The following COX7B2 variants were observed in gnomAD, a reference collection of about 807,000 sequenced individuals.
The protein encoded by COX7B2 is cytochrome c oxidase subunit 7B2, mitochondrial.
For missense variants in COX7B2, 109 were observed against 95.9 expected (o/e 1.14, Z -0.57); for synonymous variants, 37 against 32.1 (o/e 1.15, Z -0.51).
rs1042085357 is a variant in COX7B2, at chr4:46,859,965, G to A, written c.-104-14951C>T. 1.1e-4 allele frequency among the ~76,000 whole-genome samples: 17 copies of A among 152,222 alleles called. No homozygotes were observed. The East Asian group carries it at 1.5e-3, about 14-fold the overall frequency. On this transcript the variant is annotated intron_variant, in intron 1 of 2. Coordinates refer to ENST00000355591, the MANE Select transcript of COX7B2 (RefSeq NM_130902.3). The stretch of plus-strand genomic sequence containing the variant: ...AGCAGCTACTCTTCTGTACACTGCC[G>A]CTTTAATAAACCTGCTTTTTCCCAC...
At chr4:46,766,758 A>G (rs1020284144) in intron 2 of COX7B2, among the ~76,000 whole-genome samples, 2 of 151,756 alleles carry the variant, frequency 1.3e-5, no homozygotes, top group Non-Finnish European at 1.5e-5. Flanking sequence ...ATTTTTGCAT[A>G]TGGTTGAAAT....
chr4:46,774,797 A>AAC (rs1363831485), intron 2 of COX7B2, among the ~76,000 whole-genome samples: 2 of 152,096 alleles, frequency 1.3e-5, no homozygotes, highest in Admixed American at 1.3e-4. Context: ...ATGAAGGAAT[A>AAC]ACTGATCCTA....
chr4:46,843,105 G>A (rs1716046419), intron 2 of COX7B2, among the ~76,000 whole-genome samples: 2 of 152,162 alleles, frequency 1.3e-5, no homozygotes, highest in East Asian at 3.9e-4. Flanking sequence ...TAACTGGTGT[G>A]AGATAGTATC....
At chr4:46,791,739 A>G (rs1289219671) in intron 2 of COX7B2, among the ~76,000 whole-genome samples, 5 of 152,152 alleles carry the variant, frequency 3.3e-5, no homozygotes, top group Non-Finnish European at 5.9e-5. Flanking sequence ...CTCTCCTGGA[A>G]CCCATTCCCA....
intron 2 of COX7B2, among the ~76,000 whole-genome samples, chr4:46,755,600 CAAAT>C (rs1388813357): frequency 6.6e-6 from 1 of 151,874 alleles, no homozygotes; most frequent in Non-Finnish European, 1.5e-5. Flanking sequence ...TCAGATTTGA[CAAAT>C]GAATTCAATA....
chr4:46,805,905 C>A (rs764002223), intron 2 of COX7B2, among the ~76,000 whole-genome samples: 1 of 152,114 alleles, frequency 6.6e-6, no homozygotes, highest in Non-Finnish European at 1.5e-5. Flanking sequence ...TAGAAAATAT[C>A]TTGAATGTCC....
intron 1 of COX7B2, among the ~76,000 whole-genome samples, 191 bp downstream of exon 1, chr4:46,908,969 G>A (rs183386485): frequency 0.011 from 1,679 of 151,992 alleles, 26 homozygotes; most frequent in African/African-American, 0.038. Flanking sequence ...GCGTGAACCC[G>A]GGAGGCGGAG....
intron 1 of COX7B2, among the ~76,000 whole-genome samples, chr4:46,904,273 G>C (rs1339768228): frequency 6.6e-6 from 1 of 151,928 alleles, no homozygotes; most frequent in African/African-American, 2.4e-5. Context: ...TGACACACTA[G>C]AGAAAAAATA....
At chr4:46,766,576 C>T (rs188424250) in intron 2 of COX7B2, among the ~76,000 whole-genome samples, 2 of 152,144 alleles carry the variant, frequency 1.3e-5, no homozygotes, top group Non-Finnish European at 2.9e-5. Flanking sequence ...GTGGCACATG[C>T]CTGTAATCCC....
Position 46,798,069 on chromosome 4 carries a change from T to C in COX7B2, c.-50+46891A>G, listed in dbSNP as rs761710890. On this transcript the variant is annotated intron_variant, in intron 2 of 2. Transcript: ENST00000355591. ...TATTACATTGATGACATTATGTTAA[T>C]TGGAACTAGTGAGCAAGAAATAGCA... Among the ~76,000 whole-genome samples the C allele has an allele frequency of 3.0e-4, 46 of 152,220 alleles. 1 individual carries two copies. Among genetic ancestry groups the C allele is most frequent in the Admixed American group, 1.3e-4 (2 of 15,284 alleles).
chr4:46,856,261 C>T (rs892443367), intron 1 of COX7B2, among the ~76,000 whole-genome samples: 1 of 151,814 alleles, frequency 6.6e-6, no homozygotes, highest in African/African-American at 2.4e-5. Flanking sequence ...AAAATAAATC[C>T]CTAAATTATC....
intron 2 of COX7B2, among the ~76,000 whole-genome samples, chr4:46,749,178 T>TA (rs1715197158): frequency 6.6e-6 from 1 of 152,168 alleles, no homozygotes; most frequent in Non-Finnish European, 1.5e-5. Flanking sequence ...AGCATCTCCA[T>TA]CATTTAGCTG....
chr4:46,758,972 G>A (rs1715965322), intron 2 of COX7B2, among the ~76,000 whole-genome samples: 1 of 152,062 alleles, frequency 6.6e-6, no homozygotes, highest in South Asian at 2.1e-4. Context: ...AAGGGGCACT[G>A]GTGAAAAATA....
chr4:46,872,516 C>G (rs1179961521), intron 1 of COX7B2, among the ~76,000 whole-genome samples: 1 of 152,122 alleles, frequency 6.6e-6, no homozygotes, highest in African/African-American at 2.4e-5. Flanking sequence ...CTCTTGAATT[C>G]TTTCCCAAGC....
chr4:46,779,072 G>A (rs569380036), intron 2 of COX7B2, among the ~76,000 whole-genome samples: 1 of 152,176 alleles, frequency 6.6e-6, no homozygotes, highest in Admixed American at 6.5e-5. Context: ...AGAAGTCATT[G>A]ACCTGACAAT....
intron 1 of COX7B2, among the ~76,000 whole-genome samples, chr4:46,871,694 A>G (rs1718001819): frequency 6.6e-6 from 1 of 152,096 alleles, no homozygotes; most frequent in Admixed American, 6.6e-5. Flanking sequence ...ACTTTTCAAA[A>G]GAAGACATAC....
intron 1 of COX7B2, among the ~76,000 whole-genome samples, chr4:46,891,443 C>G (rs1211018756): frequency 6.6e-6 from 1 of 152,112 alleles, no homozygotes; most frequent in Non-Finnish European, 1.5e-5. Flanking sequence ...AAAATATTGA[C>G]AGGGAGCAGC....
At chr4:46,887,781 C>T (rs1719169651) in intron 1 of COX7B2, among the ~76,000 whole-genome samples, 1 of 151,028 alleles carries the variant, frequency 6.6e-6, no homozygotes, top group Admixed American at 6.6e-5. Flanking sequence ...TTTGGCAATG[C>T]ATCCCAACTA....
At chr4:46,878,095 A>T (rs1359013318) in intron 1 of COX7B2, among the ~76,000 whole-genome samples, 1 of 152,110 alleles carries the variant, frequency 6.6e-6, no homozygotes, top group Non-Finnish European at 1.5e-5. Context: ...ATTTTCTATG[A>T]CATGAACGTT....
Sources: allele counts gnomAD v4.1 joint callset (sites outside exome capture counted in the v4.1 genomes callset), GRCh38; gene constraint gnomAD v4.1.1; transcripts MANE v1.5; gene names NCBI Gene and HGNC (gene_info 2026-07-23, HGNC 2026-07-21).